ZMYM4: variants seen among roughly 807,000 people sequenced by gnomAD.
ZMYM4 encodes zinc finger MYM-type protein 4.
A neutral mutation model predicts 183.2 loss-of-function variants in ZMYM4; 31 were observed. The observed-to-expected ratio is 0.17, with a 90% CI of 0.13 to 0.23. The LOEUF is 0.23. Among genes scored for constraint, ZMYM4 ranks in the 10% least tolerant of loss-of-function variants. The probability of loss-of-function intolerance (pLI) is 1.00; values close to 1 mark genes in which losing one functional copy is unlikely to be tolerated. For missense variants in ZMYM4, 1,273 were observed against 1,840.3 expected (o/e 0.69, Z 5.64); for synonymous variants, 592 against 631.2 (o/e 0.94, Z 0.93).
At chr1:35,312,179 A>T (rs1641834400) in intron 1 of ZMYM4, among the ~76,000 whole-genome samples, 1 of 152,124 alleles carries the variant, frequency 6.6e-6, no homozygotes, top group African/African-American at 2.4e-5. Flanking sequence ...CAGTTTGATT[A>T]TGAGTGTCTT....
chr1:35,356,950 T>C (rs1270865304), intron 2 of ZMYM4, among the ~76,000 whole-genome samples: 8 of 152,216 alleles, frequency 5.3e-5, no homozygotes, highest in Non-Finnish European at 1.5e-5. Flanking sequence ...GTGGCACAAT[T>C]ATAGCTTGCT....
chr1:35,388,104 C>T (rs1025689756), intron 13 of ZMYM4, among the ~76,000 whole-genome samples: 3 of 152,190 alleles, frequency 2.0e-5, no homozygotes, highest in Admixed American at 6.5e-5. Context: ...TATTAGCCTT[C>T]TAGAGCAAGG....
In ZMYM4 at chr1:35,294,929, A is replaced by G. The variant is rs560404100; in HGVS notation, c.39+25844A>G. 6.6e-5 allele frequency among the ~76,000 whole-genome samples: 10 copies of G among 152,282 alleles called. No individual in the cohort carries two copies. In the East Asian group the frequency reaches 1.7e-3, roughly 26 times the overall value. On this transcript the variant is annotated intron_variant, in intron 1 of 29. Transcript: ENST00000314607. ...GAACAGATAAAAACAATAGATAACC[A>G]CTTGAGTCATTTTAGATTCCACTGT...
chr1:35,307,023 AT>A (rs1191915213), intron 1 of ZMYM4, among the ~76,000 whole-genome samples: 15 of 152,192 alleles, frequency 9.9e-5, no homozygotes, highest in African/African-American at 3.4e-4. Context: ...TTTGTGCCTG[AT>A]TTGTAGTAGG....
chr1:35,388,776 A>G, intron 13 of ZMYM4, 134 bp from the exon 14 acceptor site: 1 of 729,924 alleles, frequency 1.4e-6, no homozygotes, highest in Non-Finnish European at 2.2e-6. Flanking sequence ...GGGCTCAAGC[A>G]CTCCTCCCGC....
At chr1:35,348,295 G>A (rs1476861115) in intron 2 of ZMYM4, among the ~76,000 whole-genome samples, 5 of 151,888 alleles carry the variant, frequency 3.3e-5, no homozygotes, top group Non-Finnish European at 5.9e-5. Context: ...ATATTCCACT[G>A]GTTTCAAACT....
At chr1:35,352,487 A>C (rs939098819) in intron 2 of ZMYM4, among the ~76,000 whole-genome samples, 2 of 152,022 alleles carry the variant, frequency 1.3e-5, no homozygotes, top group African/African-American at 4.8e-5. Context: ...CTGTTCCTTC[A>C]GTTCCTCTGA....
intron 2 of ZMYM4, chr1:35,351,536 C>A: frequency 8.2e-7 from 1 of 1,218,394 alleles, no homozygotes; most frequent in Non-Finnish European, 1.2e-6. Context: ...ATCCCTTGCT[C>A]AGAAGAAAGA....
At chr1:35,270,831 C>T (rs1344594665) in intron 1 of ZMYM4, among the ~76,000 whole-genome samples, 2 of 152,064 alleles carry the variant, frequency 1.3e-5, no homozygotes, top group African/African-American at 2.4e-5. Context: ...TATATTTACC[C>T]CTCTATCCCT....
At chr1:35,330,644 G>A (rs1245801837) in intron 2 of ZMYM4, among the ~76,000 whole-genome samples, 4 of 152,206 alleles carry the variant, frequency 2.6e-5, no homozygotes, top group Non-Finnish European at 5.9e-5. Flanking sequence ...GGAAAAGGGA[G>A]AGAATTGTTA....
intron 1 of ZMYM4, among the ~76,000 whole-genome samples, chr1:35,305,294 G>T (rs1000722290): frequency 3.3e-5 from 5 of 152,154 alleles, no homozygotes; most frequent in African/African-American, 1.2e-4. Context: ...CTATAAATCT[G>T]CAGCCACAGT....
intron 11 of ZMYM4, 128 bp downstream of exon 11, chr1:35,386,317 C>T (rs1644575950): frequency 4.8e-6 from 3 of 622,542 alleles, no homozygotes; most frequent in Non-Finnish European, 8.0e-6. Context: ...AATTGGCTCA[C>T]AGTTCCACAG....
intron 10 of ZMYM4, 28 bp from the exon 11 acceptor site, chr1:35,386,046 T>C: frequency 6.7e-7 from 1 of 1,482,576 alleles, no homozygotes; most frequent in East Asian, 2.3e-5. Flanking sequence ...TACATATTAC[T>C]CATTGGTTTT....
intron 18 of ZMYM4, among the ~76,000 whole-genome samples, chr1:35,395,477 A>C (rs983253440): frequency 7.2e-5 from 11 of 152,120 alleles, no homozygotes; most frequent in Admixed American, 5.2e-4. Flanking sequence ...TTCTAACTCT[A>C]GTCAAATTGT....
intron 2 of ZMYM4, among the ~76,000 whole-genome samples, chr1:35,349,404 T>G (rs1479508078): frequency 1.3e-5 from 2 of 152,208 alleles, no homozygotes; most frequent in East Asian, 3.8e-4. Flanking sequence ...TTTAAGGCAA[T>G]TGTGTTTCAT....
intron 13 of ZMYM4, 147 bp downstream of exon 13, chr1:35,387,751 A>G: frequency 1.2e-6 from 1 of 822,506 alleles, no homozygotes; most frequent in Middle Eastern, 3.5e-4. Flanking sequence ...CACTTAGTTC[A>G]TTCTTTTTTG....
At chr1:35,281,663 T>TAA in intron 1 of ZMYM4, among the ~76,000 whole-genome samples, 1 of 684 alleles carries the variant, frequency 1.5e-3, no homozygotes, top group East Asian at 0.12. Flanking sequence ...ATATAATAAA[T>TAA]ATATATATAT....
At chr1:35,333,030 G>A (rs1050807520) in intron 2 of ZMYM4, among the ~76,000 whole-genome samples, 3 of 152,016 alleles carry the variant, frequency 2.0e-5, no homozygotes, top group Non-Finnish European at 4.4e-5. Flanking sequence ...GAGGAGGGAG[G>A]GTGAAGGTCA....
Position 35,351,174 on chromosome 1 carries a change from A to G in ZMYM4, c.86-7751A>G, listed in dbSNP as rs1374901110. 3 of 1,265,564 alleles carry G rather than the reference A, an allele frequency of 2.4e-6. No individual in the cohort carries two copies. In the East Asian group the frequency reaches 6.9e-5, roughly 29 times the overall value. The allele number at this position is 1,265,564 out of a possible 1,614,324, so 78.4% of individuals were successfully genotyped here. A position where few individuals can be genotyped will look rare whatever the true frequency, so the allele number is the denominator to read the frequency against. On this transcript the variant is annotated intron_variant, in intron 2 of 29. Transcript: ENST00000314607. ...CTATTTGGATGCAGACCTTGCCAGA[A>G]CTACCACTGGCAATAAAGTTTTGGG... is the stretch of plus-strand genomic sequence containing the variant.
Sources: allele counts gnomAD v4.1 joint callset (sites outside exome capture counted in the v4.1 genomes callset), GRCh38; gene constraint gnomAD v4.1.1; transcripts MANE v1.5; gene names NCBI Gene and HGNC (gene_info 2026-07-23, HGNC 2026-07-21).